Variants in EYA4 observed in about 807,000 individuals in gnomAD.
The protein encoded by EYA4 is protein phosphatase EYA4.
Under a neutral mutation model 87.9 loss-of-function variants are expected in EYA4, and 31 were observed. That is an observed-to-expected ratio of 0.35 (90% confidence interval 0.27 to 0.48). The LOEUF (loss-of-function observed/expected upper bound fraction) is 0.48, where lower values mean the gene tolerates loss of function less well. Ranked by LOEUF, EYA4 falls within the 20% of genes least tolerant of loss-of-function variation. The pLI is 0.99. For missense variants in EYA4, 678 were observed against 761.4 expected, an observed-to-expected ratio of 0.89 and a Z score of 1.29; for synonymous variants, 263 against 270.6, an observed-to-expected ratio of 0.97 and a Z score of 0.28.
chr6:133,382,467 C>A (rs199723695), intron 3 of EYA4, 26 bp downstream of exon 3: 3 of 1,538,846 alleles, frequency 1.9e-6, no homozygotes, highest in African/African-American at 1.4e-5. Context: ...GACCAAGACT[C>A]CCCTAAGGAG....
intron 3 of EYA4, among the ~76,000 whole-genome samples, chr6:133,427,332 G>A (rs1000983965): frequency 1.3e-5 from 2 of 152,156 alleles, no homozygotes; most frequent in African/African-American, 4.8e-5. Context: ...GTACAAGATA[G>A]TGTCAATTAG....
At chr6:133,505,065 C>T (rs1323636835) in intron 13 of EYA4, among the ~76,000 whole-genome samples, 18 of 152,186 alleles carry the variant, frequency 1.2e-4, no homozygotes, top group Admixed American at 1.2e-3. Flanking sequence ...TCCCTGCTAA[C>T]ACCCATCTGG....
chr6:133,451,701 A>G (rs534098292), intron 5 of EYA4, among the ~76,000 whole-genome samples: 75 of 152,318 alleles, frequency 4.9e-4, no homozygotes, highest in African/African-American at 1.6e-3. Flanking sequence ...ATGCCATAAT[A>G]TGTTCAAGGT....
At chr6:133,315,448 T>G (rs965975266) in intron 2 of EYA4, among the ~76,000 whole-genome samples, 3 of 152,202 alleles carry the variant, frequency 2.0e-5, no homozygotes, top group Non-Finnish European at 4.4e-5. Flanking sequence ...ATTACAATTT[T>G]GTGGGACATT....
chr6:133,388,232 C>A (rs902827527), intron 3 of EYA4, among the ~76,000 whole-genome samples: 47 of 123,352 alleles, frequency 3.8e-4, no homozygotes, highest in Non-Finnish European at 7.4e-4. Flanking sequence ...CATGGTGAGA[C>A]CCCGTCTCTA....
intron 1 of EYA4, among the ~76,000 whole-genome samples, chr6:133,257,397 A>T (rs1454094667): frequency 6.6e-6 from 1 of 152,196 alleles, no homozygotes; most frequent in Non-Finnish European, 1.5e-5. Flanking sequence ...CTTGAATATT[A>T]ATTTGATACT....
intron 2 of EYA4, among the ~76,000 whole-genome samples, chr6:133,282,090 T>C (rs943188956): frequency 6.6e-6 from 1 of 152,212 alleles, no homozygotes; most frequent in Admixed American, 6.5e-5. Context: ...TGGTTTCTTT[T>C]CCTTTGGGTC....
intron 3 of EYA4, among the ~76,000 whole-genome samples, chr6:133,418,593 C>T (rs1156814617): frequency 3.3e-5 from 5 of 152,074 alleles, no homozygotes; most frequent in Admixed American, 6.5e-5. Context: ...ATGTATTCTC[C>T]ATACATTTCA....
At chr6:133,296,843 A>G (rs1382694528) in intron 2 of EYA4, among the ~76,000 whole-genome samples, 4 of 152,110 alleles carry the variant, frequency 2.6e-5, no homozygotes, top group African/African-American at 9.7e-5. Context: ...TCTTGTTCAA[A>G]GCTTCCATCT....
At position 133,448,189 on chromosome 6, in the gene EYA4, A is replaced by G. The variant is rs779060495; in HGVS notation, c.277+10A>G. 10 of 1,602,470 alleles carry G rather than the reference A, an allele frequency of 6.2e-6. No individual in the cohort carries two copies. The highest frequency in any genetic ancestry group is 1.3e-5 in the African/African-American group (1 of 74,664). On this transcript the variant is annotated intron_variant, in intron 5 of 19. Transcript: ENST00000355286. ...CCCTCTTCTGCAACAAGTATGAGAGATGCTGGTACACTGCATGTGTTTGGG... is the reference window on the plus strand; with the variant it reads ...CCCTCTTCTGCAACAAGTATGAGAGGTGCTGGTACACTGCATGTGTTTGGG...
intron 3 of EYA4, among the ~76,000 whole-genome samples, chr6:133,402,885 T>C (rs1788383254): frequency 6.6e-6 from 1 of 152,218 alleles, no homozygotes; most frequent in African/African-American, 2.4e-5. Context: ...ACATGGCTTA[T>C]AGAATTGTTC....
intron 10 of EYA4, among the ~76,000 whole-genome samples, chr6:133,467,169 C>G (rs1366981111): frequency 6.6e-6 from 1 of 152,064 alleles, no homozygotes; most frequent in East Asian, 1.9e-4. Context: ...GGGGAATAGC[C>G]TGGACCTTTC....
chr6:133,493,081 C>T (rs1797327773), intron 13 of EYA4, among the ~76,000 whole-genome samples: 1 of 152,034 alleles, frequency 6.6e-6, no homozygotes, highest in Non-Finnish European at 1.5e-5. Flanking sequence ...TGACATTCTT[C>T]ACAGAAAAAA....
At chr6:133,493,875 A>T (rs1797403312) in intron 13 of EYA4, among the ~76,000 whole-genome samples, 1 of 152,202 alleles carries the variant, frequency 6.6e-6, no homozygotes, top group African/African-American at 2.4e-5. Context: ...TCAAAACTAC[A>T]ATGAGATATC....
chr6:133,388,198 G>A (rs1225487504), intron 3 of EYA4, among the ~76,000 whole-genome samples: 1 of 151,916 alleles, frequency 6.6e-6, no homozygotes, highest in Non-Finnish European at 1.5e-5. Context: ...TCTGAGGTTG[G>A]GAGTTCGAGA....
Position 133,387,663 on chromosome 6 carries a change from A to G in EYA4, c.83+5222A>G, listed in dbSNP as rs529634093. On this transcript the variant is annotated intron_variant, in intron 3 of 19. Coordinates refer to ENST00000355286, the MANE Select transcript of EYA4 (RefSeq NM_004100.5). Reference sequence around the variant, plus strand: ...TAATTATTAAAAAACACCTCTTTCAAATTATAAGGCATACTTCCCCTGAAA... The same window carrying G: ...TAATTATTAAAAAACACCTCTTTCAGATTATAAGGCATACTTCCCCTGAAA... 1.8e-4 allele frequency among the ~76,000 whole-genome samples: 27 copies of G among 152,314 alleles called. No individual in the cohort carries two copies. In the South Asian group the frequency reaches 5.2e-3, roughly 29 times the overall value.
chr6:133,410,960 C>T (rs1166273271), intron 3 of EYA4, among the ~76,000 whole-genome samples: 1 of 152,014 alleles, frequency 6.6e-6, no homozygotes, highest in African/African-American at 2.4e-5. Context: ...GCTGTTCCTC[C>T]CTGCCCTTCC....
intron 13 of EYA4, among the ~76,000 whole-genome samples, chr6:133,490,459 GGC>G (rs1353903864): frequency 1.3e-5 from 2 of 149,672 alleles, no homozygotes; most frequent in Non-Finnish European, 3.0e-5. Flanking sequence ...CACCTATAAA[GGC>G]ACACAGAGAC....
At chr6:133,492,781 C>G (rs1469678108) in intron 13 of EYA4, among the ~76,000 whole-genome samples, 4 of 151,920 alleles carry the variant, frequency 2.6e-5, no homozygotes, top group South Asian at 2.1e-4. Context: ...AATCAACATA[C>G]AAAAATCAGA....
Sources: gnomAD v4.1 joint callset for allele counts (sites outside exome capture counted in the v4.1 genomes callset) on GRCh38, gnomAD v4.1.1 for gene constraint, MANE v1.5 for transcripts, NCBI Gene and HGNC (gene_info 2026-07-23, HGNC 2026-07-21) for gene names.